PCDHA11: variants seen among roughly 807,000 people sequenced by gnomAD.
PCDHA11 encodes protocadherin alpha-11.
Under a neutral mutation model 70.3 loss-of-function variants are expected in PCDHA11, and 61 were observed. That is an observed-to-expected ratio of 0.87 (90% CI 0.71 to 1.07). The LOEUF (loss-of-function observed/expected upper bound fraction) is 1.07, where lower values mean the gene tolerates loss of function less well. Ranked by LOEUF, PCDHA11 falls within the 50% of genes least tolerant of loss-of-function variation. The pLI is 0.00. For missense variants in PCDHA11, 1,324 were observed against 1,237.5 expected (o/e 1.07, Z -1.05); for synonymous variants, 633 against 555.1 (o/e 1.14, Z -1.97).
chr5:140,892,489 G>A (rs1554185225), intron 1 of PCDHA11, among the ~76,000 whole-genome samples: 1 of 152,180 alleles, frequency 6.6e-6, no homozygotes, highest in Non-Finnish European at 1.5e-5. Context: ...CCAAACATGA[G>A]AGATTGTTTA....
rs2098419434 is a variant in PCDHA11, at chr5:141,011,100, CT to C, written c.*1164del. ...AAATGATCTCTCTTTCTCTCTCTCT[CT>C]CTCTTTTCTAAGAAACAATTATGTG... On this transcript the variant is annotated 3_prime_UTR_variant, in exon 4 of 4. Coordinates refer to ENST00000398640, the MANE Select transcript of PCDHA11 (RefSeq NM_018902.5). The C allele has an allele frequency of 1.3e-5, 2 of 153,772 alleles. No individual in the cohort carries two copies. Among genetic ancestry groups the C allele is most frequent in the Admixed American group, 6.5e-5 (1 of 15,290 alleles). The allele number at this position is 153,772 out of a possible 1,614,324, so 9.5% of individuals were successfully genotyped here.
rs530563833 is a variant in PCDHA11, at chr5:140,894,957, T to A, written c.2391+23463T>A. Among the ~76,000 whole-genome samples, 18 of 152,324 alleles carry A rather than the reference T, an allele frequency of 1.2e-4. No individual in the cohort carries two copies. In the East Asian group the frequency reaches 3.3e-3, roughly 28 times the overall value. Reference sequence around the variant, plus strand: ...AGCTATTGTCATGAAATGATAAAAATATAATTTTTTAATGTCTTACTTTGT... The same window carrying A: ...AGCTATTGTCATGAAATGATAAAAAAATAATTTTTTAATGTCTTACTTTGT... On this transcript the variant is annotated intron_variant, in intron 1 of 3. Transcript: ENST00000398640.
At chr5:140,973,004 G>A (rs1183511655) in intron 1 of PCDHA11, among the ~76,000 whole-genome samples, 4 of 152,096 alleles carry the variant, frequency 2.6e-5, no homozygotes, top group African/African-American at 9.7e-5. Flanking sequence ...ATTTGTGGTC[G>A]TGGTGTTGTG....
chr5:140,887,326 G>A (rs1344500973), intron 1 of PCDHA11, among the ~76,000 whole-genome samples: 7 of 152,230 alleles, frequency 4.6e-5, no homozygotes, highest in South Asian at 2.1e-4. Context: ...TCGAACTCCT[G>A]ACCTCGTGAT....
At chr5:140,901,674 G>C (rs1387047115) in intron 1 of PCDHA11, among the ~76,000 whole-genome samples, 5 of 152,034 alleles carry the variant, frequency 3.3e-5, no homozygotes, top group African/African-American at 9.7e-5. Flanking sequence ...GATACCTTTA[G>C]GTATTATGGG....
At chr5:140,932,349 C>A (rs2088248613) in intron 1 of PCDHA11, among the ~76,000 whole-genome samples, 1 of 151,900 alleles carries the variant, frequency 6.6e-6, no homozygotes, top group Admixed American at 6.6e-5. Flanking sequence ...ACTTACCATA[C>A]AACTGGCCTT....
intron 1 of PCDHA11, among the ~76,000 whole-genome samples, chr5:140,924,565 T>A (rs1213361312): frequency 2.0e-5 from 3 of 152,102 alleles, no homozygotes; most frequent in Admixed American, 2.0e-4. Flanking sequence ...TAATCAGCAA[T>A]TTTTAAATGT....
chr5:140,945,678 C>T (rs2093827274), intron 1 of PCDHA11, among the ~76,000 whole-genome samples: 1 of 152,078 alleles, frequency 6.6e-6, no homozygotes, highest in Non-Finnish European at 1.5e-5. Context: ...AATAAATCCA[C>T]ACAGTTACTG....
intron 1 of PCDHA11, among the ~76,000 whole-genome samples, chr5:140,916,255 C>G (rs1161014900): frequency 6.6e-6 from 1 of 152,144 alleles, no homozygotes. Context: ...ACTTGGGGAC[C>G]CCAAGAGCAT....
rs185281311 is a variant in PCDHA11 at position 140,896,058 on chromosome 5, G to A, written c.2391+24564G>A. The stretch of plus-strand genomic sequence containing the variant: ...ACTCCTGACCTCAGGTGATCCGCCT[G>A]CCTCGGCCTCCCAACATGCTGGGAT... On this transcript the variant is annotated intron_variant, in intron 1 of 3. Coordinates refer to ENST00000398640, the MANE Select transcript of PCDHA11 (RefSeq NM_018902.5). 4.1e-3 allele frequency among the ~76,000 whole-genome samples: 624 copies of A among 152,238 alleles called. 2 individuals carry two copies. The highest frequency in any genetic ancestry group is 6.8e-3 in the Middle Eastern group (2 of 294).
At chr5:140,883,615 C>T (rs1554178913) in intron 1 of PCDHA11, 6 of 1,613,938 alleles carry the variant, frequency 3.7e-6, no homozygotes, top group African/African-American at 1.3e-5. Context: ...CCGACGTGAA[C>T]GACAACGCGC....
At chr5:140,926,573 A>C in intron 1 of PCDHA11, 2 of 265,974 alleles carry the variant, frequency 7.5e-6, no homozygotes. Context: ...TACTGGAGAC[A>C]GCACCTCTCG....
chr5:141,003,623 G>C (rs572368614), intron 3 of PCDHA11, among the ~76,000 whole-genome samples: 1 of 152,240 alleles, frequency 6.6e-6, no homozygotes, highest in East Asian at 1.9e-4. Flanking sequence ...CCAGAGGGCA[G>C]TTTTTAAAGT....
intron 1 of PCDHA11, among the ~76,000 whole-genome samples, chr5:140,879,542 GA>G (rs1281717017): frequency 6.6e-6 from 1 of 152,104 alleles, no homozygotes; most frequent in African/African-American, 2.4e-5. Context: ...CTCCTTTAGA[GA>G]AAAAAATAAT....
intron 1 of PCDHA11, among the ~76,000 whole-genome samples, chr5:140,903,821 A>G (rs2153482193): frequency 6.6e-6 from 1 of 152,320 alleles, no homozygotes. Context: ...TCTCACATGA[A>G]TGTCTGTTGG....
intron 1 of PCDHA11, among the ~76,000 whole-genome samples, chr5:140,941,206 T>TCTTCCTTC (rs201128549): frequency 1.0e-4 from 10 of 95,674 alleles, no homozygotes; most frequent in African/African-American, 3.6e-4. Flanking sequence ...TTTCTTCCTT[T>TCTTCCTTC]CTTTCTTCCT....
At chr5:140,985,290 A>G (rs1471502675) in intron 3 of PCDHA11, among the ~76,000 whole-genome samples, 1 of 152,108 alleles carries the variant, frequency 6.6e-6, no homozygotes, top group Non-Finnish European at 1.5e-5. Flanking sequence ...TCTATGATAT[A>G]GTGTTGGCTG....
chr5:140,877,649 C>T (rs369703340), intron 1 of PCDHA11: 4 of 1,613,556 alleles, frequency 2.5e-6, no homozygotes, highest in Middle Eastern at 1.7e-4. Context: ...TGCTCAGCGC[C>T]GCCCACCGTG....
Position 140,869,538 on chromosome 5 carries a change from T to C in PCDHA11, c.435T>C (p.Ser145=), listed in dbSNP as rs536846543. 1.2e-6 allele frequency: 2 copies of C among 1,614,204 alleles called. No individual in the cohort carries two copies. Among genetic ancestry groups the C allele is most frequent in the East Asian group, 4.5e-5 (2 of 44,884 alleles). ...LREQKLLIAE[S]KQSDSRFPLE... is the part of the protein sequence containing the mutation. ...AACAAAAGCTGCTGATTGCGGAATC[T>C]AAGCAATCGGACTCGCGTTTTCCAC... The change falls in exon 1 of 4, where the codon TCT becomes TCC. Residue 145 remains serine, a synonymous_variant. Coordinates refer to ENST00000398640, the MANE Select transcript of PCDHA11 (RefSeq NM_018902.5).
Sources: gnomAD v4.1 joint callset for allele counts (sites outside exome capture counted in the v4.1 genomes callset) on GRCh38, gnomAD v4.1.1 for gene constraint, MANE v1.5 for transcripts, NCBI Gene and HGNC (gene_info 2026-07-23, HGNC 2026-07-21) for gene names.